HERC2: variants seen among roughly 807,000 people sequenced by gnomAD.
The protein encoded by HERC2 is E3 ubiquitin-protein ligase HERC2.
A neutral mutation model predicts 537.7 loss-of-function variants in HERC2; 102 were observed. The ratio of observed to expected loss-of-function variants is 0.19; its 90% CI spans 0.16 to 0.22. HERC2 has a LOEUF of 0.22. HERC2 is among the 10% of genes least tolerant of loss of function. The probability of loss-of-function intolerance (pLI) is 1.00; values close to 1 mark genes in which losing one functional copy is unlikely to be tolerated. For synonymous variants in HERC2, 2,224 were observed against 2,466.2 expected (o/e 0.90, Z 2.91); for missense variants, 4,236 against 6,198.2 (o/e 0.68, Z 10.63).
At chr15:28,294,443 C>T (rs1272103984) in intron 3 of HERC2, among the ~76,000 whole-genome samples, 1 of 149,920 alleles carries the variant, frequency 6.7e-6, no homozygotes, top group Non-Finnish European at 1.5e-5. Flanking sequence ...AAAGTAGATA[C>T]AGAAGAATTT....
At chr15:28,161,170 C>T (rs1893556801) in intron 69 of HERC2, among the ~76,000 whole-genome samples, 1 of 152,194 alleles carries the variant, frequency 6.6e-6, no homozygotes, top group African/African-American at 2.4e-5. Context: ...TTTTGGTGAT[C>T]ATGTAAGTTA....
At position 28,257,275 on chromosome 15, in the gene HERC2, CA is replaced by C; in HGVS notation, c.2317-15del. ...CCAAGCAAAGCTCTAAGAGGAAACG[CA>C]ACAATCTAAAATGAATCTCCAAATG... On this transcript the variant is annotated splice_polypyrimidine_tract_variant and intron_variant, in intron 16 of 92. Transcript: ENST00000261609. 6.2e-7 allele frequency: 1 copy of C among 1,611,010 alleles called. No individual in the cohort carries two copies. The highest frequency in any genetic ancestry group is 8.5e-7 in the Non-Finnish European group (1 of 1,177,704).
chr15:28,282,385 A>C (rs1448092400), intron 4 of HERC2, among the ~76,000 whole-genome samples: 1 of 152,250 alleles, frequency 6.6e-6, no homozygotes, highest in Non-Finnish European at 1.5e-5. Flanking sequence ...GTGGCAAATA[A>C]TTAAAAACGG....
intron 85 of HERC2, among the ~76,000 whole-genome samples, 176 bp downstream of exon 85, chr15:28,123,861 T>G (rs1003486395): frequency 6.6e-6 from 1 of 152,242 alleles, no homozygotes; most frequent in Non-Finnish European, 1.5e-5. Flanking sequence ...GATTTTTGTC[T>G]GTTTTCTCAT....
In HERC2 at chr15:28,220,461, C is replaced by A; in HGVS notation, c.5836G>T (p.Asp1946Tyr). 6.2e-7 allele frequency: 1 copy of A among 1,606,726 alleles called. No individual in the cohort carries two copies. The highest frequency in any genetic ancestry group is 8.5e-7 in the Non-Finnish European group (1 of 1,179,778). The change falls in exon 37 of 93, where the codon GAT becomes TAT. Residue 1946 changes from aspartate to tyrosine, a missense_variant. Transcript: ENST00000261609. The part of the protein sequence containing the change: ...QPSAEDSDTE[D>Y]DSEAEQTERN... ...TTCCTGAGTCACCCACCAGAGTCATCCTCTGTGTCCGAATCCTCTGCTGAG... is the reference window on the plus strand; with the variant it reads ...TTCCTGAGTCACCCACCAGAGTCATACTCTGTGTCCGAATCCTCTGCTGAG...
intron 4 of HERC2, among the ~76,000 whole-genome samples, chr15:28,285,537 G>C (rs1247739032): frequency 5.9e-5 from 9 of 151,926 alleles, no homozygotes; most frequent in Non-Finnish European, 1.0e-4. Context: ...GCATGGGAAA[G>C]AGCTACAGTG....
At chr15:28,167,039 G>C (rs77076593) in intron 68 of HERC2, among the ~76,000 whole-genome samples, 1 of 152,150 alleles carries the variant, frequency 6.6e-6, no homozygotes, top group Admixed American at 6.5e-5. Context: ...TGTGAACAAT[G>C]AAAATGTGAC....
chr15:28,278,440 T>C (rs969737374), intron 5 of HERC2, among the ~76,000 whole-genome samples: 1 of 152,172 alleles, frequency 6.6e-6, no homozygotes. Flanking sequence ...GTAAATGCTC[T>C]GGAATTAGAT....
At chr15:28,315,510 A>G in intron 2 of HERC2, 2 of 384,380 alleles carry the variant, frequency 5.2e-6, no homozygotes, top group South Asian at 4.3e-5. Flanking sequence ...AAAAGATCCT[A>G]TTAACAGCCG....
intron 2 of HERC2, among the ~76,000 whole-genome samples, chr15:28,318,819 A>G: frequency 6.6e-6 from 1 of 151,180 alleles, no homozygotes; most frequent in East Asian, 1.9e-4. Context: ...TCACACTCCA[A>G]AAACTCTTCC....
intron 86 of HERC2, among the ~76,000 whole-genome samples, chr15:28,118,926 C>A (rs549460628): frequency 1.3e-5 from 2 of 152,338 alleles, no homozygotes; most frequent in African/African-American, 4.8e-5. Context: ...AGCCCCCAGA[C>A]GTCAATCCAC....
intron 48 of HERC2, among the ~76,000 whole-genome samples, chr15:28,200,310 G>A (rs1435284991): frequency 6.6e-6 from 1 of 152,126 alleles, no homozygotes; most frequent in Non-Finnish European, 1.5e-5. Flanking sequence ...CAGGAGAATG[G>A]CATGAACCCG....
chr15:28,263,337 A>C (rs1160968844), intron 14 of HERC2, among the ~76,000 whole-genome samples, 168 bp from the exon 15 acceptor site: 2 of 152,242 alleles, frequency 1.3e-5, no homozygotes, highest in African/African-American at 4.8e-5. Context: ...GTGACACTTG[A>C]GGTTGACATA....
At chr15:28,289,938 C>T (rs1462462463) in intron 4 of HERC2, among the ~76,000 whole-genome samples, 1 of 151,858 alleles carries the variant, frequency 6.6e-6, no homozygotes, top group Non-Finnish European at 1.5e-5. Flanking sequence ...GATTACACAC[C>T]TAAGTGAGAG....
At chr15:28,166,406 T>C (rs1352939505) in intron 68 of HERC2, among the ~76,000 whole-genome samples, 2 of 152,204 alleles carry the variant, frequency 1.3e-5, no homozygotes, top group Non-Finnish European at 2.9e-5. Context: ...ATGGTTTTTA[T>C]TATATAGATA....
chr15:28,250,003 T>C (rs1244709210), intron 20 of HERC2, among the ~76,000 whole-genome samples: 2 of 152,058 alleles, frequency 1.3e-5, no homozygotes, highest in Admixed American at 1.3e-4. Context: ...AGACAGGACA[T>C]GGGAACACGG....
Position 28,179,036 on chromosome 15 carries a change from AG to A in HERC2, c.9020-7del. 1 of 1,612,790 alleles carries A rather than the reference AG, an allele frequency of 6.2e-7. No homozygotes were observed. The highest frequency in any genetic ancestry group is 8.5e-7 in the Non-Finnish European group (1 of 1,179,222). On this transcript the variant is annotated splice_polypyrimidine_tract_variant and splice_region_variant and intron_variant, in intron 58 of 92. Transcript: ENST00000261609. Reference sequence around the variant, plus strand: ...CACCTTCCCTTCCACAGTCACTGCAAGGAACGACAGCCAGGAGAGGACTCTC... The same window carrying A: ...CACCTTCCCTTCCACAGTCACTGCAAGAACGACAGCCAGGAGAGGACTCTC...
chr15:28,275,135 A>C, intron 5 of HERC2, 130 bp from the exon 6 acceptor site: 1 of 505,580 alleles, frequency 2.0e-6, no homozygotes, highest in Non-Finnish European at 3.5e-6. Flanking sequence ...CAGGATCACA[A>C]GTGGATTTTT....
chr15:28,222,178 A>C lies in HERC2; in HGVS notation c.5502T>G (p.Ala1834=), dbSNP rs768805851. ...CTGTGGCAGAAGCACCTTGAGCAGAAGCATTCATATCTTCCTCAACGTTGT... is the reference window on the plus strand; with the variant it reads ...CTGTGGCAGAAGCACCTTGAGCAGACGCATTCATATCTTCCTCAACGTTGT... ...SCDNVEEDMN[A]SAQGASATVL... The change falls in exon 36 of 93, where the codon GCT becomes GCG. Residue 1834 remains alanine (A), a synonymous_variant. Transcript: ENST00000261609. The C allele has an allele frequency of 1.6e-5, 25 of 1,590,738 alleles. No homozygotes were observed. The African/African-American group carries it at 3.1e-4, about 20-fold the overall frequency.
Sources: allele counts gnomAD v4.1 joint callset (sites outside exome capture counted in the v4.1 genomes callset), GRCh38; gene constraint gnomAD v4.1.1; transcripts MANE v1.5; gene names NCBI Gene and HGNC (gene_info 2026-07-23, HGNC 2026-07-21).